The following CNTN4 variants were observed in gnomAD, a reference collection of about 807,000 sequenced individuals.
CNTN4 encodes the protein contactin 4.
A neutral mutation model predicts 122.5 loss-of-function variants in CNTN4; 77 were observed. The observed-to-expected ratio is 0.63, with a 90% CI of 0.52 to 0.76. The LOEUF (loss-of-function observed/expected upper bound fraction) is 0.76, where lower values mean the gene tolerates loss of function less well. Ranked by LOEUF, CNTN4 falls within the 30% of genes least tolerant of loss-of-function variation. The probability of loss-of-function intolerance (pLI) is 0.00; values close to 1 mark genes in which losing one functional copy is unlikely to be tolerated. For missense variants in CNTN4, 1,256 were observed against 1,259.1 expected (o/e 1.00, Z 0.04); for synonymous variants, 512 against 447.0 (o/e 1.15, Z -1.83).
intron 2 of CNTN4, among the ~76,000 whole-genome samples, chr3:2,217,817 C>G (rs1194991024): frequency 6.6e-6 from 1 of 152,092 alleles, no homozygotes; most frequent in East Asian, 1.9e-4. Flanking sequence ...CTTTTTGCAC[C>G]AGTTGAGATA....
At chr3:2,981,237 G>A (rs1211852923) in intron 13 of CNTN4, among the ~76,000 whole-genome samples, 1 of 152,164 alleles carries the variant, frequency 6.6e-6, no homozygotes, top group Non-Finnish European at 1.5e-5. Context: ...GAGGTCAGGA[G>A]ATCGAGACCA....
intron 2 of CNTN4, among the ~76,000 whole-genome samples, chr3:2,115,016 C>G (rs145639845): frequency 6.6e-6 from 1 of 152,196 alleles, no homozygotes; most frequent in Admixed American, 6.5e-5. Flanking sequence ...ACAGCAAAAT[C>G]TCTTCCACTG....
At position 2,943,588 on chromosome 3, in the gene CNTN4, TAATATATA is replaced by T. The variant is rs1263988150; in HGVS notation, c.1358+17825_1358+17832del. 6.8e-4 allele frequency among the ~76,000 whole-genome samples: 100 copies of T among 147,286 alleles called. 1 individual carries two copies. The highest frequency in any genetic ancestry group is 7.8e-4 in the East Asian group (4 of 5,124). On this transcript the variant is annotated intron_variant, in intron 13 of 24. Coordinates refer to ENST00000418658, the MANE Select transcript of CNTN4 (RefSeq NM_175607.3). ...GTTTGTTTATTTTTAGACTCCTAGGTAATATATAAATATATAAATATATTTATATATAT... is the reference window on the plus strand; with the variant it reads ...GTTTGTTTATTTTTAGACTCCTAGGTAATATATAAATATATTTATATATAT...
chr3:2,594,124 G>A (rs556092897), intron 4 of CNTN4, among the ~76,000 whole-genome samples: 1 of 152,248 alleles, frequency 6.6e-6, no homozygotes, highest in East Asian at 1.9e-4. Flanking sequence ...TATTTTGGGA[G>A]CATAATTCAT....
At chr3:2,366,621 G>A (rs1001059495) in intron 3 of CNTN4, among the ~76,000 whole-genome samples, 3 of 151,960 alleles carry the variant, frequency 2.0e-5, no homozygotes, top group African/African-American at 7.2e-5. Context: ...CAGCTACTCG[G>A]GAAACTGAGG....
chr3:2,603,626 A>T (rs1185168457), intron 4 of CNTN4, among the ~76,000 whole-genome samples: 1 of 152,158 alleles, frequency 6.6e-6, no homozygotes, highest in Non-Finnish European at 1.5e-5. Context: ...TGGCTTAAAG[A>T]TTTTTTGCCT....
At chr3:2,434,549 G>A (rs540829868) in intron 3 of CNTN4, among the ~76,000 whole-genome samples, 3 of 152,296 alleles carry the variant, frequency 2.0e-5, no homozygotes, top group African/African-American at 4.8e-5. Flanking sequence ...AGCCCTTATT[G>A]AGACAGTGAA....
At chr3:2,523,372 A>C (rs200487823) in intron 3 of CNTN4, among the ~76,000 whole-genome samples, 1 of 101,754 alleles carries the variant, frequency 9.8e-6, no homozygotes, top group East Asian at 2.8e-4. Flanking sequence ...AAAAAAAAAA[A>C]CAAAACTTTT....
At position 2,422,638 on chromosome 3, in the gene CNTN4, G is replaced by T. The variant is rs544675124; in HGVS notation, c.-89+83405G>T. Among the ~76,000 whole-genome samples the T allele has an allele frequency of 1.4e-4, 22 of 152,272 alleles. No individual in the cohort carries two copies. In the South Asian group the frequency reaches 4.1e-3, roughly 29 times the overall value. ...TATTTCTGGTCTGGATGGGTTACAAGAATTTATTTTATTGATTTCCTGAAT... is the reference window on the plus strand; with the variant it reads ...TATTTCTGGTCTGGATGGGTTACAATAATTTATTTTATTGATTTCCTGAAT... On this transcript the variant is annotated intron_variant, in intron 3 of 24. Coordinates refer to ENST00000418658, the MANE Select transcript of CNTN4 (RefSeq NM_175607.3).
rs13096238 is a variant in CNTN4 at position 2,160,637 on chromosome 3, C to T, written c.-145+59998C>T. On this transcript the variant is annotated intron_variant, in intron 2 of 24. Coordinates refer to ENST00000418658, the MANE Select transcript of CNTN4 (RefSeq NM_175607.3). ...TCTCTCATAATCATCACTCTGATCA[C>T]CTGTCTATGTTTGTGTCATCACACA... Among the ~76,000 whole-genome samples, 801 of 152,266 alleles carry T rather than the reference C, an allele frequency of 5.3e-3. 5 individuals are homozygous for T. Among genetic ancestry groups the T allele is most frequent in the Middle Eastern group, 6.8e-3 (2 of 294 alleles).
intron 3 of CNTN4, among the ~76,000 whole-genome samples, chr3:2,484,162 A>G (rs759418414): frequency 6.6e-6 from 1 of 152,236 alleles, no homozygotes; most frequent in Non-Finnish European, 1.5e-5. Flanking sequence ...CAGATATTTT[A>G]TTGAAAAAAA....
intron 2 of CNTN4, among the ~76,000 whole-genome samples, chr3:2,130,881 C>T (rs746119102): frequency 2.0e-4 from 30 of 152,240 alleles, no homozygotes; most frequent in Non-Finnish European, 2.5e-4. Context: ...GAATCTTGGG[C>T]AATGGCCAAG....
At chr3:2,579,926 T>G (rs1559263134) in intron 4 of CNTN4, among the ~76,000 whole-genome samples, 1 of 152,178 alleles carries the variant, frequency 6.6e-6, no homozygotes, top group African/African-American at 2.4e-5. Flanking sequence ...CATTCTTCAG[T>G]GGTTGAAGGT....
At chr3:2,672,310 A>G (rs1215408699) in intron 4 of CNTN4, among the ~76,000 whole-genome samples, 1 of 152,182 alleles carries the variant, frequency 6.6e-6, no homozygotes, top group South Asian at 2.1e-4. Context: ...AGCCTCAGCA[A>G]TGGTGGGCGC....
Position 2,794,670 on chromosome 3 carries a change from GAA to G in CNTN4, c.359-24813_359-24812del, listed in dbSNP as rs555682305. ...AAATAAGTCATCTCTTGAGTCCTTTGAAAACTTACATCTTCCATTCTGTTTAG... is the reference window on the plus strand; with the variant it reads ...AAATAAGTCATCTCTTGAGTCCTTTGAACTTACATCTTCCATTCTGTTTAG... On this transcript the variant is annotated intron_variant, in intron 6 of 24. Transcript: ENST00000418658. Among the ~76,000 whole-genome samples the G allele has an allele frequency of 1.6e-3, 248 of 152,304 alleles. 2 individuals are homozygous for G. The highest frequency in any genetic ancestry group is 0.014 in the Admixed American group (219 of 15,300).
At chr3:2,524,481 G>A (rs915349687) in intron 3 of CNTN4, among the ~76,000 whole-genome samples, 3 of 152,088 alleles carry the variant, frequency 2.0e-5, no homozygotes, top group Admixed American at 1.3e-4. Flanking sequence ...ATACACCTAG[G>A]AGTGGAATTG....
intron 3 of CNTN4, among the ~76,000 whole-genome samples, chr3:2,370,309 C>T (rs1254646107): frequency 6.6e-6 from 1 of 151,988 alleles, no homozygotes; most frequent in Non-Finnish European, 1.5e-5. Context: ...TGAAAAAAAC[C>T]TCAGTAATGA....
intron 12 of CNTN4, among the ~76,000 whole-genome samples, chr3:2,922,971 G>A (rs1012676322): frequency 1.3e-5 from 2 of 152,266 alleles, no homozygotes; most frequent in African/African-American, 4.8e-5. Context: ...ATCTCGATAA[G>A]ATATCCAAAA....
intron 4 of CNTN4, among the ~76,000 whole-genome samples, chr3:2,708,045 T>A (rs1045587570): frequency 3.3e-5 from 5 of 152,206 alleles, no homozygotes; most frequent in Admixed American, 6.5e-5. Flanking sequence ...ATTCTATTAT[T>A]GGTTCTTTTG....
Sources: allele counts gnomAD v4.1 joint callset (sites outside exome capture counted in the v4.1 genomes callset), GRCh38; gene constraint gnomAD v4.1.1; transcripts MANE v1.5; gene names NCBI Gene and HGNC (gene_info 2026-07-23, HGNC 2026-07-21).